The following MOB1A variants were observed in gnomAD, a reference collection of about 807,000 sequenced individuals.
The protein encoded by MOB1A is MOB kinase activator 1A.
In MOB1A, 10 loss-of-function variants were observed where a neutral mutation model predicts 25.1. The observed-to-expected ratio is 0.40, with a 90% CI of 0.25 to 0.68. MOB1A has a LOEUF of 0.68. Among genes scored for constraint, MOB1A ranks in the 30% least tolerant of loss-of-function variants. MOB1A has a pLI of 0.40. For synonymous variants in MOB1A, 81 were observed against 79.5 expected (o/e 1.02, Z -0.10); for missense variants, 177 against 256.3 (o/e 0.69, Z 2.11).
intron 2 of MOB1A, among the ~76,000 whole-genome samples, chr2:74,169,160 TAA>T (rs1693212112): frequency 6.6e-6 from 1 of 152,256 alleles, no homozygotes; most frequent in Non-Finnish European, 1.5e-5. Context: ...TCATTTTTCG[TAA>T]AAACATATTT....
At chr2:74,172,426 CT>C (rs1164009263) in intron 2 of MOB1A, among the ~76,000 whole-genome samples, 159 bp downstream of exon 2, 2 of 152,200 alleles carry the variant, frequency 1.3e-5, no homozygotes, top group African/African-American at 4.8e-5. Context: ...ACCTAGTACT[CT>C]GAAAAGAGCA....
chr2:74,157,428 T>C (rs537758494), intron 5 of MOB1A, among the ~76,000 whole-genome samples: 4 of 152,102 alleles, frequency 2.6e-5, no homozygotes, highest in Non-Finnish European at 5.9e-5. Flanking sequence ...CAGGTAGAGA[T>C]AAGTATTTCC....
chr2:74,178,606 C>G (rs1693546833), intron 1 of MOB1A, 55 bp downstream of exon 1: 5 of 1,322,100 alleles, frequency 3.8e-6, no homozygotes, highest in Non-Finnish European at 3.9e-6. Context: ...TCCGGGGAGG[C>G]CTCCCCCACA....
At chr2:74,175,753 ATT>A (rs919910021) in intron 1 of MOB1A, among the ~76,000 whole-genome samples, 1 of 152,222 alleles carries the variant, frequency 6.6e-6, no homozygotes, top group Non-Finnish European at 1.5e-5. Flanking sequence ...GAGTACACGT[ATT>A]CACAGGGAAA....
At chr2:74,174,110 C>G (rs201864061) in intron 1 of MOB1A, among the ~76,000 whole-genome samples, 2 of 94,304 alleles carry the variant, frequency 2.1e-5, no homozygotes, top group African/African-American at 1.2e-4. Flanking sequence ...CACTAAAAAA[C>G]AAGTACAAAA....
chr2:74,175,497 T>C (rs980642900), intron 1 of MOB1A, among the ~76,000 whole-genome samples: 1 of 152,174 alleles, frequency 6.6e-6, no homozygotes, highest in African/African-American at 2.4e-5. Flanking sequence ...ACACTACTGG[T>C]GAAAGTATAA....
intron 5 of MOB1A, 109 bp downstream of exon 5, chr2:74,158,982 C>A: frequency 9.9e-7 from 1 of 1,008,868 alleles, no homozygotes. Flanking sequence ...GAGAAGCTTG[C>A]CTGTAATTGG....
intron 2 of MOB1A, among the ~76,000 whole-genome samples, chr2:74,167,740 T>G (rs970066075): frequency 6.6e-6 from 1 of 152,182 alleles, no homozygotes; most frequent in African/African-American, 2.4e-5. Context: ...CATAAACATT[T>G]GTTTTTGAGG....
intron 3 of MOB1A, 107 bp downstream of exon 3, chr2:74,166,907 G>C (rs56873314): frequency 0.13 from 100,687 of 767,438 alleles, 8,612 homozygotes; most frequent in East Asian, 0.36. Flanking sequence ...CAATAAAACT[G>C]AATCACCTTC....
intron 3 of MOB1A, among the ~76,000 whole-genome samples, chr2:74,165,673 G>A (rs1310772879): frequency 2.0e-5 from 3 of 152,162 alleles, no homozygotes; most frequent in Admixed American, 6.6e-5. Context: ...GCATGGAGCC[G>A]ATGGATCCAC....
chr2:74,166,188 G>A (rs1022091298), intron 3 of MOB1A, among the ~76,000 whole-genome samples: 4 of 151,822 alleles, frequency 2.6e-5, no homozygotes, highest in Admixed American at 6.6e-5. Flanking sequence ...GAGTGATAGA[G>A]TTCCATCTTT....
At chr2:74,169,983 A>C (rs1428610402) in intron 2 of MOB1A, among the ~76,000 whole-genome samples, 1 of 151,944 alleles carries the variant, frequency 6.6e-6, no homozygotes, top group Non-Finnish European at 1.5e-5. Context: ...GGAATCAATA[A>C]TTTTTTAAGA....
chr2:74,175,932 A>G (rs1290676481), intron 1 of MOB1A, among the ~76,000 whole-genome samples: 1 of 152,122 alleles, frequency 6.6e-6, no homozygotes, highest in African/African-American at 2.4e-5. Flanking sequence ...GTAATTTGGA[A>G]TTTAAATAAG....
chr2:74,178,859 C>A lies in MOB1A; in HGVS notation c.-185G>T, dbSNP rs546352275. On this transcript the variant is annotated 5_prime_UTR_variant, in exon 1 of 6. Transcript: ENST00000396049. ...CTCGGCGCCCGCCTTGCCCGCCTAC[C>A]CCACCTCGCAGACCCGAAATGCGGA... is the stretch of plus-strand genomic sequence containing the variant. 1.4e-3 allele frequency: 544 copies of A among 391,190 alleles called. 5 individuals are homozygous for A. The highest frequency in any genetic ancestry group is 0.011 in the African/African-American group (514 of 48,358). The allele number at this position is 391,190 out of a possible 1,614,324, so 24.2% of individuals were successfully genotyped here.
intron 2 of MOB1A, 142 bp from the exon 3 acceptor site, chr2:74,167,249 T>C (rs1278064617): frequency 1.6e-6 from 1 of 629,884 alleles, no homozygotes; most frequent in African/African-American, 1.9e-5. Context: ...CTGTAACTTG[T>C]AGTATACTAC....
intron 4 of MOB1A, among the ~76,000 whole-genome samples, chr2:74,162,834 T>G (rs1213148533): frequency 6.6e-6 from 1 of 152,174 alleles, no homozygotes; most frequent in Non-Finnish European, 1.5e-5. Flanking sequence ...ATTTCATCCA[T>G]GAATACTGAT....
intron 4 of MOB1A, chr2:74,164,123 A>G (rs1434704369): frequency 2.6e-5 from 4 of 152,206 alleles, no homozygotes; most frequent in African/African-American, 9.7e-5. Flanking sequence ...TTGTGCACAT[A>G]AGATAATCAG....
rs549361838 is a variant in MOB1A, at chr2:74,173,974, A to G, written c.15-1222T>C. Among the ~76,000 whole-genome samples, 8 of 147,018 alleles carry G rather than the reference A, an allele frequency of 5.4e-5. No homozygotes were observed. The East Asian group carries it at 1.4e-3, about 26-fold the overall frequency. On this transcript the variant is annotated intron_variant, in intron 1 of 5. Transcript: ENST00000396049. Reference sequence around the variant, plus strand: ...AAAAAAAAAAAAAAAAAAAAAGAAAATGATGGGGCCATGGCTAGGTGCGGT... The same window carrying G: ...AAAAAAAAAAAAAAAAAAAAAGAAAGTGATGGGGCCATGGCTAGGTGCGGT...
intron 3 of MOB1A, among the ~76,000 whole-genome samples, chr2:74,165,825 A>G (rs1465565571): frequency 6.6e-6 from 1 of 152,240 alleles, no homozygotes; most frequent in East Asian, 1.9e-4. Context: ...AGCTAGAAGG[A>G]TTAACAAGAG....
Sources: gnomAD v4.1 joint callset for allele counts (sites outside exome capture counted in the v4.1 genomes callset) on GRCh38, gnomAD v4.1.1 for gene constraint, MANE v1.5 for transcripts, NCBI Gene and HGNC (gene_info 2026-07-23, HGNC 2026-07-21) for gene names.